PSMA6: variants seen among roughly 807,000 people sequenced by gnomAD.
The protein encoded by PSMA6 is proteasome subunit alpha type-6.
For missense variants in PSMA6, 170 were observed against 294.8 expected, an observed-to-expected ratio of 0.58 and a Z score of 3.10; for synonymous variants, 88 against 97.7, an observed-to-expected ratio of 0.90 and a Z score of 0.59.
At position 35,278,719 on chromosome 14, in the gene PSMA6, G is replaced by A. The variant is rs929869130; in HGVS notation, c.19+1G>A. ...GTGGCTATGGCAGGTCTTCGGAGAG[G>A]TAAGTCCCTCACTCAGACTTGTTGC... On this transcript the variant is annotated splice_donor_variant, in intron 1 of 6. Transcript: ENST00000540871. LOFTEE classifies it high-confidence loss of function. 4.0e-5 allele frequency: 61 copies of A among 1,534,310 alleles called. No homozygotes were observed. Among genetic ancestry groups the A allele is most frequent in the Non-Finnish European group, 5.1e-5 (59 of 1,146,632 alleles).
rs767317718 is a variant in PSMA6 at position 35,312,882 on chromosome 14, T to C, written c.411T>C (p.Cys137=). ...AATTAGGGTCTTTTCTCTTTTTAGGTATGATTTTAATTGGTATAGATGAAG... is the reference window on the plus strand; with the variant it reads ...AATTAGGGTCTTTTCTCTTTTTAGGCATGATTTTAATTGGTATAGATGAAG... ...QNAEMRPLGC[C]MILIGIDEEQ... Residue 137 remains cysteine, a splice_region_variant and synonymous_variant, in exon 5 of 7, where the codon TGT becomes TGC. Transcript: ENST00000261479. 6.4e-7 allele frequency: 1 copy of C among 1,572,244 alleles called. No homozygotes were observed. The highest frequency in any genetic ancestry group is 8.6e-7 in the Non-Finnish European group (1 of 1,166,030).
intron 1 of PSMA6, among the ~76,000 whole-genome samples, chr14:35,305,643 G>T (rs564047428): frequency 6.6e-6 from 1 of 152,284 alleles, no homozygotes; most frequent in Admixed American, 6.5e-5. Flanking sequence ...CAGACTCAGT[G>T]CCCAGAGTGA....
chr14:35,296,617 C>T (rs974463434), intron 1 of PSMA6, among the ~76,000 whole-genome samples: 2 of 152,106 alleles, frequency 1.3e-5, no homozygotes, highest in African/African-American at 2.4e-5. Flanking sequence ...GCGTGAGCCA[C>T]CATGCCCCGC....
intron 6 of PSMA6, chr14:35,315,772 T>C (rs1056780600): frequency 6.6e-6 from 1 of 152,176 alleles, no homozygotes; most frequent in South Asian, 2.1e-4. Flanking sequence ...TACAATTAGT[T>C]CTTGTTTTCT....
At position 35,313,094 on chromosome 14, in the gene PSMA6, C is replaced by G. The variant is rs17597281; in HGVS notation, c.588+35C>G. 175,635 of 1,500,896 alleles carry G rather than the reference C, an allele frequency of 0.12. 10,746 individuals are homozygous for G. The highest frequency in any genetic ancestry group is 0.15 in the Middle Eastern group (884 of 5,760). 93.0% of individuals were successfully genotyped at this position (1,500,896 alleles called of 1,614,324 possible). On this transcript the variant is annotated intron_variant, in intron 5 of 6. Coordinates refer to ENST00000261479, the MANE Select transcript of PSMA6 (RefSeq NM_002791.3). ...CCAAAAGGAGCTGACTTTTTTTATG[C>G]TATATAGAACAGTGAGGATCTTTGT...
chr14:35,278,860 A>G (rs1161177379), intron 1 of PSMA6: 2 of 857,634 alleles, frequency 2.3e-6, no homozygotes, highest in East Asian at 2.7e-5. Flanking sequence ...CCTGTGTTCC[A>G]TGGCTGAGCA....
At chr14:35,304,322 C>T (rs1448277449) in intron 1 of PSMA6, among the ~76,000 whole-genome samples, 1 of 152,136 alleles carries the variant, frequency 6.6e-6, no homozygotes, top group East Asian at 1.9e-4. Flanking sequence ...AGGCGATGTG[C>T]AAATACTGTG....
chr14:35,293,102 T>TA (rs200754020), intron 1 of PSMA6: 21 of 430,724 alleles, frequency 4.9e-5, no homozygotes, highest in South Asian at 1.6e-4. Flanking sequence ...AACAAACGGA[T>TA]AAAAAAAATT....
chr14:35,292,626 G>C, intron 1 of PSMA6, 74 bp downstream of exon 1: 1 of 1,572,354 alleles, frequency 6.4e-7, no homozygotes, highest in Non-Finnish European at 8.6e-7. Flanking sequence ...GAGCAGACGC[G>C]GCCCGGGTTT....
intron 1 of PSMA6, among the ~76,000 whole-genome samples, chr14:35,296,455 C>T (rs1433021718): frequency 2.0e-5 from 3 of 151,974 alleles, no homozygotes; most frequent in East Asian, 3.9e-4. Context: ...CTCAGCCTCC[C>T]GAGTAGCTGG....
upstream of PSMA6, among the ~76,000 whole-genome samples, chr14:35,291,596 G>T (rs2051481389): frequency 6.6e-6 from 1 of 152,028 alleles, no homozygotes; most frequent in East Asian, 2.0e-4. Flanking sequence ...GGCCGAGGAA[G>T]GTGGATCACT....
chr14:35,304,335 AT>A (rs2051779866), intron 1 of PSMA6, among the ~76,000 whole-genome samples: 1 of 152,178 alleles, frequency 6.6e-6, no homozygotes, highest in Admixed American at 6.5e-5. Flanking sequence ...ATACTGTGCC[AT>A]TTTATATCAG....
At chr14:35,284,812 A>G (rs573984859) in intron 1 of PSMA6, among the ~76,000 whole-genome samples, 1 of 152,328 alleles carries the variant, frequency 6.6e-6, no homozygotes, top group Admixed American at 6.5e-5. Context: ...TCTTCAGTGA[A>G]TTAAAGGTTT....
chr14:35,278,759 A>G, intron 1 of PSMA6: 1 of 1,526,730 alleles, frequency 6.5e-7, no homozygotes, highest in South Asian at 1.2e-5. Flanking sequence ...GATGTACTAT[A>G]TTACTGATTC....
rs142813677 is a variant in PSMA6 at position 35,303,312 on chromosome 14, A to G, written c.77-4682A>G. 2.6e-3 allele frequency among the ~76,000 whole-genome samples: 389 copies of G among 152,212 alleles called. 2 individuals carry two copies. The highest frequency in any genetic ancestry group is 8.8e-3 in the African/African-American group (365 of 41,508). On this transcript the variant is annotated intron_variant, in intron 1 of 6. Coordinates refer to ENST00000261479, the MANE Select transcript of PSMA6 (RefSeq NM_002791.3). ...TGGAGTCTGCCTTGTGTGTGTTGTT[A>G]TGGAATCTGCTAGAGATTTGGGCAG... is the stretch of plus-strand genomic sequence containing the variant.
chr14:35,295,740 T>C (rs1279930955), intron 1 of PSMA6, among the ~76,000 whole-genome samples: 1 of 152,250 alleles, frequency 6.6e-6, no homozygotes, highest in East Asian at 1.9e-4. Context: ...GCATGAGCCA[T>C]TGCGCTCGGC....
chr14:35,287,903 C>T (rs1372693247), upstream of PSMA6, among the ~76,000 whole-genome samples: 1 of 142,358 alleles, frequency 7.0e-6, no homozygotes, highest in Non-Finnish European at 1.5e-5. Context: ...CACATATTCA[C>T]GAAGTCGGCT....
chr14:35,308,700 T>C, intron 2 of PSMA6: 1 of 455,836 alleles, frequency 2.2e-6, no homozygotes, highest in Non-Finnish European at 3.9e-6. Context: ...ACAGGAAAAG[T>C]ATCATCTAGA....
chr14:35,313,332 C>CA (rs1476939158), intron 5 of PSMA6: 1 of 294,426 alleles, frequency 3.4e-6, no homozygotes, highest in African/African-American at 2.2e-5. Flanking sequence ...GGCATGGTGG[C>CA]ACACACCTGT....
Sources: gnomAD v4.1 joint callset for allele counts (sites outside exome capture counted in the v4.1 genomes callset) on GRCh38, gnomAD v4.1.1 for gene constraint, MANE v1.5 for transcripts, NCBI Gene and HGNC (gene_info 2026-07-23, HGNC 2026-07-21) for gene names.